RBCK1: variants seen among roughly 807,000 people sequenced by gnomAD.
RBCK1 encodes RANBP2-type and C3HC4-type zinc finger containing 1.
RBCK1 carries 44 observed loss-of-function variants against 71.1 expected under a neutral mutation model. That is an observed-to-expected ratio of 0.62 (90% CI 0.49 to 0.80). The LOEUF is 0.80. Among genes scored for constraint, RBCK1 ranks in the 30% least tolerant of loss-of-function variants. RBCK1 has a pLI of 0.00. For synonymous variants in RBCK1, 306 were observed against 279.7 expected (o/e 1.09, Z -0.94); for missense variants, 569 against 685.0 (o/e 0.83, Z 1.89).
chr20:429,182 A>C, intron 11 of RBCK1, 88 bp downstream of exon 11: 2 of 1,486,844 alleles, frequency 1.3e-6, no homozygotes, highest in Non-Finnish European at 1.8e-6. Flanking sequence ...CCCATGGGCC[A>C]TATCCAACCC....
chr20:429,226 ATT>A (rs146561173), intron 11 of RBCK1, 132 bp downstream of exon 11: 14,273 of 971,470 alleles, frequency 0.015, no homozygotes, highest in South Asian at 0.024. Context: ...CGAGGTAAGA[ATT>A]TTTTTTTTTT....
rs1226322782 is a variant in RBCK1 at position 428,942 on chromosome 20, C to T, written c.1309-9C>T. The T allele has an allele frequency of 4.4e-6, 7 of 1,603,420 alleles. No individual in the cohort carries two copies. The highest frequency in any genetic ancestry group is 1.7e-5 in the Admixed American group (1 of 59,576). On this transcript the variant is annotated splice_polypyrimidine_tract_variant and intron_variant, in intron 10 of 11. Transcript: ENST00000356286. The surrounding 1 kb of genome is among the most constrained non-coding windows in gnomAD (Gnocchi z 5.7). ...CCCCGCCCCAGGGCCAGCACCTGCCCCACTCCAGGTGATGCTGCAGCAGGG... is the reference window on the plus strand; with the variant it reads ...CCCCGCCCCAGGGCCAGCACCTGCCTCACTCCAGGTGATGCTGCAGCAGGG...
Position 430,553 on chromosome 20 carries a change from CG to C in RBCK1, c.*125del. 1 of 908,918 alleles carries C rather than the reference CG, an allele frequency of 1.1e-6. No homozygotes were observed. The highest frequency in any genetic ancestry group is 1.7e-6 in the Non-Finnish European group (1 of 583,294). 56.3% of individuals were successfully genotyped at this position (908,918 alleles called of 1,614,324 possible). A position where few individuals can be genotyped will look rare whatever the true frequency, so the allele number is the denominator to read the frequency against. On this transcript the variant is annotated 3_prime_UTR_variant, in exon 12 of 12. Coordinates refer to ENST00000356286, the MANE Select transcript of RBCK1 (RefSeq NM_031229.4). The surrounding 1 kb of genome is among the most constrained non-coding windows in gnomAD (Gnocchi z 5.6). ...CGTTGTAGGGGCCCTGCCTGCACTG[CG>C]GTTGTCCACGGTCACATCTGCCCCA...
chr20:419,108 G>A (rs1474288698), intron 4 of RBCK1, among the ~76,000 whole-genome samples: 2 of 152,216 alleles, frequency 1.3e-5, no homozygotes, highest in African/African-American at 4.8e-5. Context: ...GCACGGAAGG[G>A]CTGGTGTTGT....
At chr20:423,283 G>C (rs1461673227) in intron 8 of RBCK1, among the ~76,000 whole-genome samples, 3 of 152,212 alleles carry the variant, frequency 2.0e-5, no homozygotes, top group African/African-American at 7.2e-5. Context: ...TGGGCAACCA[G>C]AGCGAAACTC....
intron 8 of RBCK1, among the ~76,000 whole-genome samples, chr20:424,440 C>G (rs922303244): frequency 3.9e-5 from 6 of 152,206 alleles, no homozygotes; most frequent in African/African-American, 1.2e-4. Context: ...TTCTGTCCCC[C>G]CTGCCTCTCT....
chr20:409,976 C>T lies in RBCK1; in HGVS notation c.118C>T (p.Pro40Ser), dbSNP rs761524908. 1 of 1,614,106 alleles carries T rather than the reference C, an allele frequency of 6.2e-7. No homozygotes were observed. Among genetic ancestry groups the T allele is most frequent in the South Asian group, 1.1e-5 (1 of 91,086 alleles). The change falls in exon 2 of 12, where the codon CCC becomes TCC. Residue 40 changes from proline (P) to serine (S), a missense_variant. Physicochemically the swap from Pro to Ser is moderately conservative, Grantham distance 74. Coordinates refer to ENST00000356286, the MANE Select transcript of RBCK1 (RefSeq NM_031229.4). ...CAIWLAEQRV[P>S]LSVQLKPEVS... ...CATCTGGCTGGCAGAGCAACGGGTG[C>T]CCCTGAGTGTGCAACTGAAGCCTGA...
At chr20:420,041 G>A in intron 6 of RBCK1, 1 of 970,102 alleles carries the variant, frequency 1.0e-6, no homozygotes, top group Non-Finnish European at 1.2e-6. Context: ...GGCTGGCCAT[G>A]ACCCCAGCAC....
At position 417,436 on chromosome 20, in the gene RBCK1, C is replaced by T. The variant is rs917323623; in HGVS notation, c.168-90C>T. On this transcript the variant is annotated intron_variant, in intron 2 of 11. Coordinates refer to ENST00000356286, the MANE Select transcript of RBCK1 (RefSeq NM_031229.4). The surrounding 1 kb of genome is among the most constrained non-coding windows in gnomAD (Gnocchi z 4.7). ...GTGTGTGTGTGTGCATGGCCATGTG[C>T]CTGTGTGCAAATATGTACATGTCTG... is the stretch of plus-strand genomic sequence containing the variant. 2.9e-6 allele frequency: 3 copies of T among 1,044,382 alleles called. No individual in the cohort carries two copies. The highest frequency in any genetic ancestry group is 2.9e-4 in the Middle Eastern group (1 of 3,460). 64.7% of individuals were successfully genotyped at this position (1,044,382 alleles called of 1,614,324 possible). A position where few individuals can be genotyped will look rare whatever the true frequency, so the allele number is the denominator to read the frequency against.
At chr20:413,624 T>A (rs1292753861) in intron 2 of RBCK1, among the ~76,000 whole-genome samples, 1 of 152,160 alleles carries the variant, frequency 6.6e-6, no homozygotes, top group Non-Finnish European at 1.5e-5. Flanking sequence ...ACCATCTTGC[T>A]ACTAAAGTGT....
intron 7 of RBCK1, among the ~76,000 whole-genome samples, chr20:421,560 A>C (rs1223444228): frequency 1.3e-5 from 2 of 152,204 alleles, no homozygotes; most frequent in African/African-American, 2.4e-5. Context: ...CATACAGTAC[A>C]TTAAGAGACA....
At chr20:420,343 C>T in intron 6 of RBCK1, 1 of 984,970 alleles carries the variant, frequency 1.0e-6, no homozygotes, top group Non-Finnish European at 1.2e-6. Flanking sequence ...CGAGTGCTCC[C>T]CATTCTGATC....
Position 430,734 on chromosome 20 carries a change from A to G in RBCK1, c.*304A>G. 1 of 410,182 alleles carries G rather than the reference A, an allele frequency of 2.4e-6. No individual in the cohort carries two copies. Among genetic ancestry groups the G allele is most frequent in the Non-Finnish European group, 4.5e-6 (1 of 222,024 alleles). The allele number at this position is 410,182 out of a possible 1,614,324, so 25.4% of individuals were successfully genotyped here. ...CCATACTCCTCCCACCACAACACTC[A>G]TCTGTCAAACACCAAGCACTCTCAG... On this transcript the variant is annotated 3_prime_UTR_variant, in exon 12 of 12. Transcript: ENST00000356286. This position sits in a 1 kb window ranked among gnomAD's most constrained non-coding sequence, Gnocchi z 5.6.
Position 432,066 on chromosome 20 carries a change from T to C in RBCK1, c.*1636T>C, listed in dbSNP as rs2017029982. Among the ~76,000 whole-genome samples the C allele has an allele frequency of 6.6e-6, 1 of 152,200 alleles. No homozygotes were observed. The highest frequency in any genetic ancestry group is 2.4e-5 in the African/African-American group (1 of 41,456). On this transcript the variant is annotated 3_prime_UTR_variant, in exon 12 of 12. Transcript: ENST00000356286. This position sits in a 1 kb window ranked among gnomAD's most constrained non-coding sequence, Gnocchi z 4.3. ...CCCAGTGTTGTTTTAGAAATTTAAA[T>C]CGGTTGCCCATCTTTTTAAATTGGC... is the stretch of plus-strand genomic sequence containing the variant.
chr20:419,422 A>G lies in RBCK1; in HGVS notation c.536A>G (p.Gln179Arg). 1 of 1,609,106 alleles carries G rather than the reference A, an allele frequency of 6.2e-7. No individual in the cohort carries two copies. Reference protein sequence around the residue: ...EPGPPKPGVPQEPGRGQPDAV... With the variant: ...EPGPPKPGVPREPGRGQPDAV... Reference sequence around the variant, plus strand: ...GGCCCCCCAAAGCCCGGGGTCCCCCAGGAACCCGGACGGGGGCAGCCAGAT... The same window carrying G: ...GGCCCCCCAAAGCCCGGGGTCCCCCGGGAACCCGGACGGGGGCAGCCAGAT... Residue 179 changes from glutamine (Q) to arginine (R), a missense_variant, in exon 5 of 12, where the codon CAG (glutamine) becomes CGG (arginine). Physicochemically the swap from Gln to Arg is conservative, Grantham distance 43. This residue lies in a region of RBCK1 where 358 missense variants were observed against 375.6 expected (regional missense o/e 0.95). Transcript: ENST00000356286.
At position 418,589 on chromosome 20, in the gene RBCK1, C is replaced by T. The variant is rs369786332; in HGVS notation, c.460+659C>T. 8.2e-4 allele frequency among the ~76,000 whole-genome samples: 124 copies of T among 151,702 alleles called. 1 individual carries two copies. The Middle Eastern group carries it at 0.01, about 12-fold the overall frequency. ...TTCACCGTGTTAGCCAGGATGGTCT[C>T]GATCTCCTGACTTTGTGATCCGCCC... On this transcript the variant is annotated intron_variant, in intron 4 of 11. Coordinates refer to ENST00000356286, the MANE Select transcript of RBCK1 (RefSeq NM_031229.4).
intron 8 of RBCK1, among the ~76,000 whole-genome samples, chr20:425,451 G>A (rs1407355253): frequency 2.6e-5 from 4 of 152,124 alleles, no homozygotes; most frequent in African/African-American, 9.7e-5. Context: ...ACATAGGCAT[G>A]ATTTCTGCCT....
Position 416,675 on chromosome 20 carries a change from A to G in RBCK1, c.168-851A>G, listed in dbSNP as rs1294629369. On this transcript the variant is annotated intron_variant, in intron 2 of 11. Transcript: ENST00000356286. ...GAGGATCCTCAAGAAAGTTAAAACC[A>G]CTTTCTCTGGAATAATACCATGTAG... 2.0e-5 allele frequency among the ~76,000 whole-genome samples: 3 copies of G among 152,326 alleles called. 1 individual carries two copies. The highest frequency in any genetic ancestry group is 2.4e-5 in the African/African-American group (1 of 41,578).
rs1453899298 is a variant in RBCK1 at position 427,393 on chromosome 20, T to C, written c.1110T>C (p.His370=). Residue 370 remains histidine (H), a synonymous_variant, in exon 9 of 12, where the codon CAT becomes CAC. Coordinates refer to ENST00000356286, the MANE Select transcript of RBCK1 (RefSeq NM_031229.4). ...AAAACCGCAGTGCCTTCAGCTACCATTGCAAGACCCCAGATTGCAAGGGAT... is the reference window on the plus strand; with the variant it reads ...AAAACCGCAGTGCCTTCAGCTACCACTGCAAGACCCCAGATTGCAAGGGAT... ...IAENRSAFSY[H]CKTPDCKGWC... is the part of the protein sequence containing the mutation. 9 of 1,614,048 alleles carry C rather than the reference T, an allele frequency of 5.6e-6. No individual in the cohort carries two copies. Among genetic ancestry groups the C allele is most frequent in the Admixed American group, 1.7e-5 (1 of 60,000 alleles).
Sources: gnomAD v4.1 joint callset for allele counts (sites outside exome capture counted in the v4.1 genomes callset) on GRCh38, gnomAD v4.1.1 for gene constraint, gnomAD v4.1.1 regional missense constraint, Gnocchi (gnomAD v3.1) non-coding constraint, MANE v1.5 for transcripts, NCBI Gene and HGNC (gene_info 2026-07-23, HGNC 2026-07-21) for gene names.